The following AQR variants were observed in gnomAD, a reference collection of about 807,000 sequenced individuals.
AQR encodes RNA helicase aquarius.
In AQR, 61 loss-of-function variants were observed where a neutral mutation model predicts 180.5. The ratio of observed to expected loss-of-function variants is 0.34; its 90% CI spans 0.28 to 0.42. AQR has a LOEUF of 0.42. AQR is among the 10% of genes least tolerant of loss of function. The pLI, the probability that AQR is intolerant of heterozygous loss-of-function variation, is 1.00. For synonymous variants in AQR, 551 were observed against 588.8 expected (o/e 0.94, Z 0.93); for missense variants, 1,281 against 1,798.3 (o/e 0.71, Z 5.20).
At chr15:34,871,503 C>T (rs1010366547) in intron 30 of AQR, among the ~76,000 whole-genome samples, 6 of 132,290 alleles carry the variant, frequency 4.5e-5, no homozygotes, top group Non-Finnish European at 9.3e-5. Flanking sequence ...GAGATCTCAT[C>T]TCCAAAAAAA....
At chr15:34,903,747 G>A (rs1050366074) in intron 19 of AQR, among the ~76,000 whole-genome samples, 5 of 152,120 alleles carry the variant, frequency 3.3e-5, no homozygotes, top group Non-Finnish European at 5.9e-5. Flanking sequence ...TGCTAGAACT[G>A]TTCAATGTTT....
At chr15:34,878,897 G>A (rs900726444) in intron 27 of AQR, among the ~76,000 whole-genome samples, 2 of 151,658 alleles carry the variant, frequency 1.3e-5, no homozygotes, top group East Asian at 1.9e-4. Context: ...GCCTGGTGGC[G>A]GGTGCCTGTA....
intron 10 of AQR, 95 bp downstream of exon 10, chr15:34,934,476 A>C (rs979764338): frequency 2.0e-5 from 14 of 698,328 alleles, no homozygotes; most frequent in Non-Finnish European, 2.2e-6. Context: ...TATTGAAAAG[A>C]AAAGGAAAGA....
chr15:34,953,062 T>C lies in AQR; in HGVS notation c.174-142A>G, dbSNP rs558480105. 3 of 529,342 alleles carry C rather than the reference T, an allele frequency of 5.7e-6. No individual in the cohort carries two copies. The South Asian group carries it at 7.3e-5, about 13-fold the overall frequency. The allele number at this position is 529,342 out of a possible 1,614,324, so 32.8% of individuals were successfully genotyped here. A position where few individuals can be genotyped will look rare whatever the true frequency, so the allele number is the denominator to read the frequency against. Reference sequence around the variant, plus strand: ...CATAATATCAGATCACAACTTCTAATGTCAGTTCAACTTCTTAAGCACTGA... The same window carrying C: ...CATAATATCAGATCACAACTTCTAACGTCAGTTCAACTTCTTAAGCACTGA... On this transcript the variant is annotated intron_variant, in intron 3 of 34. Coordinates refer to ENST00000156471, the MANE Select transcript of AQR (RefSeq NM_014691.3).
chr15:34,882,514 C>G lies in AQR; in HGVS notation c.3153G>C (p.Lys1051Asn), dbSNP rs769914752. The change falls in exon 27 of 35, where the codon AAG becomes AAC. Residue 1051 changes from lysine to asparagine, a missense_variant. By Grantham distance (94) the Lys-to-Asn change is moderately conservative. Coordinates refer to ENST00000156471, the MANE Select transcript of AQR (RefSeq NM_014691.3). ...HAALKRHDLV[K>N]LGFKYDNILM... is the part of the protein sequence containing the mutation. Reference sequence around the variant, plus strand: ...CATAAGTCTTTACCTTGAAACCTAGCTTGACCAAGTCATGTCGTTTTAAGG... The same window carrying G: ...CATAAGTCTTTACCTTGAAACCTAGGTTGACCAAGTCATGTCGTTTTAAGG... 6.4e-7 allele frequency: 1 copy of G among 1,572,098 alleles called. No homozygotes were observed. Among genetic ancestry groups the G allele is most frequent in the Admixed American group, 1.8e-5 (1 of 55,940 alleles).
At chr15:34,952,118 AAC>A (rs548892336) in intron 4 of AQR, among the ~76,000 whole-genome samples, 83 of 152,348 alleles carry the variant, frequency 5.4e-4, no homozygotes, top group African/African-American at 1.6e-3. Flanking sequence ...AACAATTATT[AAC>A]ACAGAGGCCC....
chr15:34,953,868 G>A (rs76729697), intron 3 of AQR, among the ~76,000 whole-genome samples: 4,279 of 152,304 alleles, frequency 0.028, 74 homozygotes, highest in Non-Finnish European at 0.044. Flanking sequence ...CAGTGTTCTA[G>A]TAATGACTCA....
chr15:34,895,187 AATATATATATATATATAT>A (rs1180797707), intron 22 of AQR, among the ~76,000 whole-genome samples: 30 of 12,956 alleles, frequency 2.3e-3, no homozygotes, highest in East Asian at 7.4e-3. Flanking sequence ...AAAAAAAAAA[AATATATATATATATATAT>A]ATATATATAT....
intron 11 of AQR, among the ~76,000 whole-genome samples, 157 bp downstream of exon 11, chr15:34,932,161 G>A (rs1380143198): frequency 1.3e-5 from 2 of 152,038 alleles, no homozygotes; most frequent in East Asian, 3.9e-4. Flanking sequence ...ATTACTAGAG[G>A]CAACCTATAT....
chr15:34,874,487 G>A, intron 29 of AQR, 190 bp downstream of exon 29: 1 of 549,958 alleles, frequency 1.8e-6, no homozygotes, highest in Non-Finnish European at 3.1e-6. Context: ...TGAATGAAAT[G>A]AAGGAAATAA....
chr15:34,946,986 G>C (rs1275503968), intron 5 of AQR, among the ~76,000 whole-genome samples: 3 of 152,074 alleles, frequency 2.0e-5, no homozygotes, highest in Non-Finnish European at 4.4e-5. Flanking sequence ...CCCTCTGCCC[G>C]GCCACCACCC....
At chr15:34,865,049 CA>C (rs148593916) in intron 32 of AQR, among the ~76,000 whole-genome samples, 1 of 151,170 alleles carries the variant, frequency 6.6e-6, no homozygotes, top group Admixed American at 6.6e-5. Context: ...AACTACCAGG[CA>C]AAAAAAACAA....
At position 34,867,615 on chromosome 15, in the gene AQR, A is replaced by C. The variant is rs375747339; in HGVS notation, c.3769-6T>G. On this transcript the variant is annotated splice_polypyrimidine_tract_variant and splice_region_variant and intron_variant, in intron 31 of 34. Coordinates refer to ENST00000156471, the MANE Select transcript of AQR (RefSeq NM_014691.3). ...AATCTATCAACAGTTGTCACCTAGA[A>C]ATAAAAAATGGAAAATATGGTGCAT... is the stretch of plus-strand genomic sequence containing the variant. The C allele has an allele frequency of 8.1e-6, 13 of 1,604,786 alleles. No individual in the cohort carries two copies. The highest frequency in any genetic ancestry group is 1.1e-5 in the Non-Finnish European group (13 of 1,175,956).
chr15:34,902,959 T>C (rs1893354983), intron 19 of AQR, among the ~76,000 whole-genome samples: 1 of 152,096 alleles, frequency 6.6e-6, no homozygotes, highest in South Asian at 2.1e-4. Context: ...AAATGTATAA[T>C]CATCAGTTAT....
chr15:34,906,336 ACTC>A (rs1893416783), intron 18 of AQR, among the ~76,000 whole-genome samples: 1 of 151,982 alleles, frequency 6.6e-6, no homozygotes, highest in Non-Finnish European at 1.5e-5. Context: ...GTGCCACTGA[ACTC>A]CAGCCTGTGT....
intron 6 of AQR, chr15:34,943,475 AT>A (rs1355576811): frequency 3.4e-5 from 17 of 497,528 alleles, no homozygotes; most frequent in African/African-American, 2.4e-4. Context: ...AAATAAATAA[AT>A]AAATAAAAAT....
intron 33 of AQR, among the ~76,000 whole-genome samples, chr15:34,861,762 C>T (rs185153573): frequency 2.0e-5 from 3 of 152,260 alleles, no homozygotes; most frequent in East Asian, 1.9e-4. Flanking sequence ...TCTCTCTCCA[C>T]CATTTTCCTA....
chr15:34,948,606 G>A (rs1403976500), intron 4 of AQR, among the ~76,000 whole-genome samples: 3 of 151,942 alleles, frequency 2.0e-5, no homozygotes, highest in Non-Finnish European at 2.9e-5. Flanking sequence ...TTGAGGTCAG[G>A]AGTTGTGATA....
At chr15:34,907,405 A>T (rs749695009) in intron 17 of AQR, among the ~76,000 whole-genome samples, 1 of 152,208 alleles carries the variant, frequency 6.6e-6, no homozygotes, top group Non-Finnish European at 1.5e-5. Context: ...AGGATTATAA[A>T]ATTAGACCTC....
Sources: allele counts gnomAD v4.1 joint callset (sites outside exome capture counted in the v4.1 genomes callset), GRCh38; gene constraint gnomAD v4.1.1; transcripts MANE v1.5; gene names NCBI Gene and HGNC (gene_info 2026-07-23, HGNC 2026-07-21).